The following MANBA variants were observed in gnomAD, a reference collection of about 807,000 sequenced individuals.
The protein encoded by MANBA is beta-mannosidase.
In MANBA, 83 loss-of-function variants were observed where a neutral mutation model predicts 111.1. The ratio of observed to expected loss-of-function variants is 0.75; its 90% CI spans 0.63 to 0.90. MANBA has a LOEUF of 0.90. Among genes scored for constraint, MANBA ranks in the 40% least tolerant of loss-of-function variants. MANBA has a pLI of 0.00. For missense variants in MANBA, 1,036 were observed against 1,069.0 expected (o/e 0.97, Z 0.43); for synonymous variants, 370 against 378.7 (o/e 0.98, Z 0.27).
intron 11 of MANBA, chr4:102,659,125 G>A (rs1192119745): frequency 6.6e-6 from 1 of 152,202 alleles, no homozygotes; most frequent in Non-Finnish European, 1.5e-5. Flanking sequence ...TCTCTTTTGA[G>A]TATTTCCTAT....
At chr4:102,666,468 C>T (rs1264470796) in intron 10 of MANBA, 2 of 152,150 alleles carry the variant, frequency 1.3e-5, no homozygotes, top group African/African-American at 4.8e-5. Flanking sequence ...AATCCTTGAA[C>T]AAGTAATTCA....
At position 102,635,973 on chromosome 4, in the gene MANBA, A is replaced by G; in HGVS notation, c.2049T>C (p.Phe683=). 6.2e-7 allele frequency: 1 copy of G among 1,613,874 alleles called. No homozygotes were observed. Among genetic ancestry groups the G allele is most frequent in the Non-Finnish European group, 8.5e-7 (1 of 1,179,732 alleles). ...ACAGTGGAGCAAAGAAATTCTGAGC[A>G]AAGTAATGAAGCATTTTCCACTTTC... The part of the protein sequence containing the change: ...YGGKWKMLHY[F]AQNFFAPLLP... The change falls in exon 15 of 17, where the codon TTT becomes TTC. Residue 683 remains phenylalanine (F), a synonymous_variant. Transcript: ENST00000647097.
chr4:102,716,604 C>T (rs1289615848), intron 4 of MANBA, among the ~76,000 whole-genome samples: 1 of 152,164 alleles, frequency 6.6e-6, no homozygotes, highest in African/African-American at 2.4e-5. Context: ...AGAAATAATT[C>T]TGTAAAATAA....
intron 1 of MANBA, among the ~76,000 whole-genome samples, chr4:102,750,722 G>A (rs147819935): frequency 6.6e-6 from 1 of 152,244 alleles, no homozygotes; most frequent in African/African-American, 2.4e-5. Flanking sequence ...AGACCAGCCT[G>A]TGCAACATAG....
chr4:102,690,737 C>G lies in MANBA; in HGVS notation c.708G>C (p.Glu236Asp). The change falls in exon 6 of 17, where the codon GAG becomes GAC. Residue 236 changes from glutamate (E) to aspartate (D), a missense_variant. Transcript: ENST00000647097. Reference sequence around the variant, plus strand: ...TTGAGCTGACAACATCAAATGTAGACTCTATTTCCAGATTCCACTCCTGGG... The same window carrying G: ...TTGAGCTGACAACATCAAATGTAGAGTCTATTTCCAGATTCCACTCCTGGG... ...KSAQEWNLEI[E>D]STFDVVSSKP... is the part of the protein sequence containing the mutation. 1 of 1,588,172 alleles carries G rather than the reference C, an allele frequency of 6.3e-7. No homozygotes were observed. The highest frequency in any genetic ancestry group is 8.6e-7 in the Non-Finnish European group (1 of 1,164,522).
At chr4:102,719,957 T>C (rs1010662648) in intron 4 of MANBA, among the ~76,000 whole-genome samples, 2 of 152,210 alleles carry the variant, frequency 1.3e-5, no homozygotes, top group Non-Finnish European at 2.9e-5. Context: ...CTGATGTTAG[T>C]GACAAAGGGC....
At chr4:102,660,466 A>T (rs913332888) in intron 11 of MANBA, among the ~76,000 whole-genome samples, 12 of 151,968 alleles carry the variant, frequency 7.9e-5, no homozygotes, top group African/African-American at 2.4e-4. Context: ...TTTAAAATTT[A>T]AAAAAAATTG....
In MANBA at chr4:102,657,855, C is replaced by A; in HGVS notation, c.1531G>T (p.Ala511Ser). The change falls in exon 12 of 17, where the codon GCT becomes TCT. Residue 511 changes from alanine (A) to serine (S), a missense_variant. Physicochemically the swap from Ala to Ser is moderately conservative, Grantham distance 99. Transcript: ENST00000647097. ...PFITSSPTNG[A>S]ETVAEAWVSQ... ...ACCCAGGCTTCTGCAACAGTTTCAG[C>A]CCCATTTGTAGGACTGGACGTAATA... 2 of 1,613,888 alleles carry A rather than the reference C, an allele frequency of 1.2e-6. No individual in the cohort carries two copies. Among genetic ancestry groups the A allele is most frequent in the Non-Finnish European group, 1.7e-6 (2 of 1,179,796 alleles).
chr4:102,670,154 CAAAAAAAAAAAAA>C (rs70937560), intron 9 of MANBA, among the ~76,000 whole-genome samples: 2 of 107,934 alleles, frequency 1.9e-5, no homozygotes, highest in Non-Finnish European at 3.7e-5. Flanking sequence ...GACTCCATAT[CAAAAAAAAAAAAA>C]AAAAAAAAAA....
At chr4:102,642,720 C>T (rs1311529858) in intron 13 of MANBA, among the ~76,000 whole-genome samples, 2 of 152,168 alleles carry the variant, frequency 1.3e-5, no homozygotes, top group African/African-American at 4.8e-5. Context: ...GATCAAGATA[C>T]GAAGACCTAA....
intron 14 of MANBA, among the ~76,000 whole-genome samples, chr4:102,637,193 C>T (rs956600782): frequency 1.3e-4 from 20 of 152,198 alleles, no homozygotes; most frequent in Non-Finnish European, 2.8e-4. Flanking sequence ...TCTTCATCAG[C>T]AGCATGAGAA....
chr4:102,745,194 T>A (rs936552093), intron 1 of MANBA, among the ~76,000 whole-genome samples: 1 of 152,216 alleles, frequency 6.6e-6, no homozygotes, highest in African/African-American at 2.4e-5. Context: ...AAATGTCTGA[T>A]CATTTCCCTT....
chr4:102,713,779 A>G lies in MANBA; in HGVS notation c.673+659T>C, dbSNP rs990791211. On this transcript the variant is annotated intron_variant, in intron 5 of 16. Coordinates refer to ENST00000647097, the MANE Select transcript of MANBA (RefSeq NM_005908.4). ...GGCGTGGTGGCACATGCCTGTAATCACAGCTACTCAGGAGGCTGAGGCAGG... is the reference window on the plus strand; with the variant it reads ...GGCGTGGTGGCACATGCCTGTAATCGCAGCTACTCAGGAGGCTGAGGCAGG... 2.6e-5 allele frequency among the ~76,000 whole-genome samples: 4 copies of G among 151,768 alleles called. No homozygotes were observed. The East Asian group carries it at 7.7e-4, about 29-fold the overall frequency.
intron 1 of MANBA, among the ~76,000 whole-genome samples, chr4:102,757,843 T>A (rs1257581413): frequency 1.3e-5 from 2 of 152,352 alleles, no homozygotes; most frequent in East Asian, 3.9e-4. Context: ...AAGTGTTTCC[T>A]ATGGCTCACA....
chr4:102,723,818 AAC>A (rs1332079478), intron 3 of MANBA, 42 bp downstream of exon 3: 2 of 1,101,078 alleles, frequency 1.8e-6, no homozygotes, highest in Non-Finnish European at 2.7e-6. Flanking sequence ...AATTAACATA[AAC>A]ACACATAAAT....
At chr4:102,653,436 CAT>C (rs1222347152) in intron 12 of MANBA, among the ~76,000 whole-genome samples, 2 of 152,146 alleles carry the variant, frequency 1.3e-5, no homozygotes, top group East Asian at 1.9e-4. Context: ...TTGATAATCA[CAT>C]GTTAAAATTA....
chr4:102,676,981 T>C (rs1050197246), intron 7 of MANBA, among the ~76,000 whole-genome samples: 9 of 152,196 alleles, frequency 5.9e-5, no homozygotes, highest in African/African-American at 2.2e-4. Flanking sequence ...ATTAATTTCA[T>C]TAAATCCCAA....
intron 13 of MANBA, among the ~76,000 whole-genome samples, chr4:102,643,476 CTG>C (rs1729968556): frequency 6.6e-6 from 1 of 152,166 alleles, no homozygotes; most frequent in South Asian, 2.1e-4. Context: ...AATTAACAAA[CTG>C]TTTACCGCAG....
chr4:102,698,628 G>T (rs1209002977), intron 5 of MANBA, among the ~76,000 whole-genome samples: 2,360 of 148,628 alleles, frequency 0.016, 44 homozygotes, highest in African/African-American at 0.046. Context: ...TTTCCCCATT[G>T]CTTGTTTTTC....
Sources: allele counts gnomAD v4.1 joint callset (sites outside exome capture counted in the v4.1 genomes callset), GRCh38; gene constraint gnomAD v4.1.1; transcripts MANE v1.5; gene names NCBI Gene and HGNC (gene_info 2026-07-23, HGNC 2026-07-21).